AFF2: variants seen among roughly 807,000 people sequenced by gnomAD.
AFF2 encodes the protein AF4/FMR2 family member 2.
AFF2 carries 14 observed loss-of-function variants against 76.9 expected under a neutral mutation model. The observed-to-expected ratio is 0.18, with a 90% CI of 0.12 to 0.28. The LOEUF is 0.28. Ranked by LOEUF, AFF2 falls within the 10% of genes least tolerant of loss-of-function variation. The probability of loss-of-function intolerance (pLI) is 1.00; values close to 1 mark genes in which losing one functional copy is unlikely to be tolerated. For synonymous variants in AFF2, 398 were observed against 366.7 expected (o/e 1.09, Z -0.98); for missense variants, 868 against 1,001.1 (o/e 0.87, Z 1.79).
At chrX:148,828,723 G>A (rs2070417638) in intron 4 of AFF2, among the ~76,000 whole-genome samples, 1 of 111,806 alleles carries the variant, frequency 8.9e-6, no homozygotes, top group Admixed American at 9.5e-5. Flanking sequence ...TCTTTGCAGT[G>A]TTTGAATGTA....
At chrX:148,859,398 A>G (rs1478856364) in intron 7 of AFF2, among the ~76,000 whole-genome samples, 1 of 110,941 alleles carries the variant, frequency 9.0e-6, no homozygotes, top group East Asian at 2.8e-4. Flanking sequence ...TATAAAATAT[A>G]AAACAACAAC....
chrX:148,716,672 G>T (rs1719477154), intron 3 of AFF2, among the ~76,000 whole-genome samples: 1 of 111,470 alleles, frequency 9.0e-6, no homozygotes, highest in Non-Finnish European at 1.9e-5. Context: ...ATTTCTAAAT[G>T]CAGGGAGCCC....
rs1557288961 is a variant in AFF2, at chrX:148,967,609, A to G, written c.3204-20A>G. 4 of 1,189,938 alleles carry G rather than the reference A, an allele frequency of 3.4e-6. No individual in the cohort carries two copies. The African/African-American group carries it at 7.0e-5, about 21-fold the overall frequency. ...AAGATGAAGCATTGGTTTCTGAAAG[A>G]GCTTGTTTTGTTTATTTAGGGTTCA... On this transcript the variant is annotated intron_variant, in intron 14 of 20. Transcript: ENST00000370460.
Position 148,967,619 on chromosome X carries a change from GTTTA to G in AFF2, c.3204-5_3204-2del. ...ATTGGTTTCTGAAAGAGCTTGTTTTGTTTATTTAGGGTTCACAATGCTGATTATT... is the reference window on the plus strand; with the variant it reads ...ATTGGTTTCTGAAAGAGCTTGTTTTGTTTAGGGTTCACAATGCTGATTATT... On this transcript the variant is annotated splice_polypyrimidine_tract_variant and splice_region_variant and intron_variant, in intron 14 of 20. Transcript: ENST00000370460. 1 of 1,202,861 alleles carries G rather than the reference GTTTA, an allele frequency of 8.3e-7. No homozygotes were observed. The highest frequency in any genetic ancestry group is 1.1e-6 in the Non-Finnish European group (1 of 888,861).
chrX:148,667,745 A>G (rs1227621461), intron 3 of AFF2, among the ~76,000 whole-genome samples: 2 of 111,496 alleles, frequency 1.8e-5, no homozygotes, highest in African/African-American at 3.3e-5. Context: ...ATTACTTCCT[A>G]TTGGGTTCCT....
intron 16 of AFF2, among the ~76,000 whole-genome samples, chrX:148,975,126 T>G (rs782448171): frequency 1.8e-5 from 2 of 112,016 alleles, no homozygotes; most frequent in Non-Finnish European, 3.8e-5. Flanking sequence ...ATGCAGCTGA[T>G]GGGAATGGAA....
rs368459122 is a variant in AFF2 at position 148,662,623 on chromosome X, C to T, written c.896C>T (p.Pro299Leu). 1.7e-5 allele frequency: 21 copies of T among 1,209,811 alleles called. No homozygotes were observed. The highest frequency in any genetic ancestry group is 1.1e-4 in the African/African-American group (6 of 57,036). ...CCCATGGATGGCCAGGACCAGGCAC[C>T]GGACATCTCACCAACACTGAAACCT... The part of the protein sequence containing the change: ...VRPMDGQDQA[P>L]DISPTLKPSI... The change falls in exon 3 of 21, where the codon CCG becomes CTG. Residue 299 changes from proline (P) to leucine (L), a missense_variant. Around this residue, in one of 6 missense-constraint regions of AFF2, gnomAD observed 532 missense variants for 564.2 expected, o/e 0.94. Coordinates refer to ENST00000370460, the MANE Select transcript of AFF2 (RefSeq NM_002025.4).
intron 1 of AFF2, among the ~76,000 whole-genome samples, chrX:148,575,653 T>G (rs1477910509): frequency 3.6e-5 from 4 of 110,482 alleles, no homozygotes; most frequent in Non-Finnish European, 7.6e-5. Flanking sequence ...TCAAAATTAA[T>G]GAAGCCCAGT....
chrX:148,985,285 C>CTTTTTTTTTTTTT lies in AFF2; in HGVS notation c.3624-2060_3624-2048dup, dbSNP rs151339705. ...ACAGGCATGAGCCCCTGTGCCTGGCCTTTTTTTTTTTTTTTTTTTTTTTTT... is the reference window on the plus strand; with the variant it reads ...ACAGGCATGAGCCCCTGTGCCTGGCCTTTTTTTTTTTTTTTTTTTTTTTTTTTTTTTTTTTTTT... On this transcript the variant is annotated intron_variant, in intron 19 of 20. Transcript: ENST00000370460. Among the ~76,000 whole-genome samples the CTTTTTTTTTTTTT allele has an allele frequency of 2.5e-3, 38 of 15,387 alleles. 12 individuals are homozygous for CTTTTTTTTTTTTT. The highest frequency in any genetic ancestry group is 2.8e-3 in the Non-Finnish European group (24 of 8,459). 13.4% of individuals were successfully genotyped at this position (15,387 alleles called of 115,157 possible). A position where few individuals can be genotyped will look rare whatever the true frequency, so the allele number is the denominator to read the frequency against.
chrX:148,622,437 C>T lies in AFF2; in HGVS notation c.48-29562C>T, dbSNP rs935773732. 7.2e-5 allele frequency among the ~76,000 whole-genome samples: 8 copies of T among 111,630 alleles called. No homozygotes were observed. In the East Asian group the frequency reaches 2.3e-3, roughly 32 times the overall value. On this transcript the variant is annotated intron_variant, in intron 1 of 20. Coordinates refer to ENST00000370460, the MANE Select transcript of AFF2 (RefSeq NM_002025.4). ...CCTTAGCCCTTGCTTGTGACACCTT[C>T]AACTGATTGGATGAGATCCACCCAC...
intron 4 of AFF2, among the ~76,000 whole-genome samples, chrX:148,818,593 G>C (rs1208718588): frequency 1.8e-5 from 2 of 111,663 alleles, no homozygotes; most frequent in Admixed American, 9.5e-5. Context: ...AGTATATATG[G>C]AAGATTTTAA....
chrX:148,616,612 T>C (rs1557250392), intron 1 of AFF2, among the ~76,000 whole-genome samples: 1 of 110,725 alleles, frequency 9.0e-6, no homozygotes, highest in East Asian at 2.8e-4. Context: ...TTAGGGTACA[T>C]GTGCACAACG....
In AFF2 at chrX:148,956,176, A is replaced by G. The variant is rs1397272283; in HGVS notation, c.2131A>G (p.Ile711Val). Residue 711 changes from isoleucine (I) to valine (V), a missense_variant, in exon 11 of 21, where the codon ATT (isoleucine) becomes GTT (valine). Physicochemically the swap from Ile to Val is conservative, Grantham distance 29. This residue lies in a region of AFF2 where 532 missense variants were observed against 564.2 expected (regional missense o/e 0.94). Coordinates refer to ENST00000370460, the MANE Select transcript of AFF2 (RefSeq NM_002025.4). ...GATTGTGCCAAAGTCTCGGGAATTC[A>G]TTGAAACAGATTCATCTACATCTGA... ...GKIVPKSREF[I>V]ETDSSTSDSN... is the part of the protein sequence containing the mutation. The G allele has an allele frequency of 1.7e-6, 2 of 1,208,604 alleles. No homozygotes were observed. Among genetic ancestry groups the G allele is most frequent in the African/African-American group, 3.5e-5 (2 of 56,692 alleles).
chrX:148,943,247 G>A (rs1199573491), intron 9 of AFF2, among the ~76,000 whole-genome samples: 2 of 112,480 alleles, frequency 1.8e-5, no homozygotes, highest in African/African-American at 6.5e-5. Flanking sequence ...GATTCATTCA[G>A]TAAGGAAACT....
At chrX:148,800,018 T>C (rs2070036086) in intron 3 of AFF2, among the ~76,000 whole-genome samples, 1 of 112,140 alleles carries the variant, frequency 8.9e-6, no homozygotes, top group African/African-American at 3.2e-5. Context: ...CACATGTAAG[T>C]GGGCGCAGAT....
intron 1 of AFF2, among the ~76,000 whole-genome samples, chrX:148,540,793 A>G (rs1557237417): frequency 8.9e-6 from 1 of 111,818 alleles, no homozygotes; most frequent in Non-Finnish European, 1.9e-5. Context: ...TGCAAAACTC[A>G]CGCAATGAGA....
At chrX:148,501,302 C>T (rs1271023890) in intron 1 of AFF2, among the ~76,000 whole-genome samples, 158 bp downstream of exon 1, 2 of 112,744 alleles carry the variant, frequency 1.8e-5, no homozygotes, top group Admixed American at 9.3e-5. Context: ...GCGCTGACTC[C>T]TAGGTCGGAT....
intron 1 of AFF2, among the ~76,000 whole-genome samples, chrX:148,514,822 G>A (rs184580667): frequency 1.8e-5 from 2 of 112,238 alleles, no homozygotes; most frequent in African/African-American, 6.5e-5. Flanking sequence ...GAAAAAGACA[G>A]CTTATGATGT....
intron 4 of AFF2, among the ~76,000 whole-genome samples, chrX:148,826,113 G>A (rs1488331646): frequency 7.4e-5 from 8 of 108,231 alleles, no homozygotes; most frequent in Non-Finnish European, 7.6e-5. Flanking sequence ...AGGAGTAAAC[G>A]TATTGATCTG....
Sources: allele counts gnomAD v4.1 joint callset (sites outside exome capture counted in the v4.1 genomes callset), GRCh38; gene constraint gnomAD v4.1.1; regional missense constraint gnomAD v4.1.1; transcripts MANE v1.5; gene names NCBI Gene and HGNC (gene_info 2026-07-23, HGNC 2026-07-21).